Variants in NTRK3 observed in about 807,000 individuals in gnomAD.
NTRK3 encodes NT-3 growth factor receptor.
A neutral mutation model predicts 91.7 loss-of-function variants in NTRK3; 24 were observed. The ratio of observed to expected loss-of-function variants is 0.26; its 90% CI spans 0.19 to 0.37. The LOEUF is 0.37. Among genes scored for constraint, NTRK3 ranks in the 10% least tolerant of loss-of-function variants. NTRK3 has a pLI of 1.00. For synonymous variants in NTRK3, 483 were observed against 404.0 expected (o/e 1.20, Z -2.34); for missense variants, 880 against 1,068.9 (o/e 0.82, Z 2.46).
intron 17 of NTRK3, among the ~76,000 whole-genome samples, chr15:87,924,375 A>G (rs144259595): frequency 6.6e-6 from 1 of 152,204 alleles, no homozygotes; most frequent in East Asian, 1.9e-4. Context: ...TCTTTCTAGG[A>G]GTTTCTGGGA....
rs201582707 is a variant in NTRK3, at chr15:88,022,697, G to A, written c.1585+10160C>T. Among the ~76,000 whole-genome samples, 41 of 152,150 alleles carry A rather than the reference G, an allele frequency of 2.7e-4. 1 individual carries two copies. In the East Asian group the frequency reaches 6.6e-3, roughly 24 times the overall value. On this transcript the variant is annotated intron_variant, in intron 14 of 18. Coordinates refer to ENST00000394480, the Ensembl canonical transcript of NTRK3. The stretch of plus-strand genomic sequence containing the variant: ...GCTTCCCCTGGGCTCCCATCCCACC[G>A]GGAAATGACATTACTCCAAGCTGGC...
At chr15:87,994,126 G>A (rs1016714936) in intron 14 of NTRK3, among the ~76,000 whole-genome samples, 16 of 152,136 alleles carry the variant, frequency 1.1e-4, no homozygotes, top group African/African-American at 3.9e-4. Context: ...ATGCGGGTGG[G>A]AAAGAGGCAG....
At chr15:87,872,091 T>C (rs1269511678) in exon 19 of NTRK3, 3 of 221,728 alleles carry the variant, frequency 1.4e-5, no homozygotes, top group Non-Finnish European at 2.7e-5. Context: ...CTAAGGCAAA[T>C]GCCCTTGAGT....
intron 14 of NTRK3, among the ~76,000 whole-genome samples, chr15:88,016,956 T>TAAAAAAAAAAAAAAAAAAAAAA (rs67163869): frequency 1.2e-5 from 1 of 84,316 alleles, no homozygotes. Context: ...AGACGAAGCT[T>TAAAAAAAAAAAAAAAAAAAAAA]AAAAAAAAAA....
intron 17 of NTRK3, among the ~76,000 whole-genome samples, chr15:87,880,643 A>C (rs2065191491): frequency 6.6e-6 from 1 of 152,244 alleles, no homozygotes; most frequent in Non-Finnish European, 1.5e-5. Flanking sequence ...GTAACACCTG[A>C]GGGAAGGTAG....
At chr15:88,222,359 C>T (rs1315899740) in intron 3 of NTRK3, among the ~76,000 whole-genome samples, 1 of 152,212 alleles carries the variant, frequency 6.6e-6, no homozygotes, top group Non-Finnish European at 1.5e-5. Flanking sequence ...GGTTCAATGG[C>T]TTAGCCAAGG....
At chr15:88,080,151 G>C (rs911802315) in intron 13 of NTRK3, among the ~76,000 whole-genome samples, 1 of 152,106 alleles carries the variant, frequency 6.6e-6, no homozygotes, top group Non-Finnish European at 1.5e-5. Flanking sequence ...ATTACAAATA[G>C]CACTTCAATA....
intron 17 of NTRK3, among the ~76,000 whole-genome samples, chr15:87,924,924 C>G (rs1470296650): frequency 6.6e-6 from 1 of 152,178 alleles, no homozygotes; most frequent in Non-Finnish European, 1.5e-5. Flanking sequence ...CCTCCCTGAT[C>G]TCAGTGTATT....
chr15:88,069,942 C>G (rs192663154), intron 13 of NTRK3, among the ~76,000 whole-genome samples: 2 of 152,130 alleles, frequency 1.3e-5, no homozygotes, highest in Non-Finnish European at 1.5e-5. Flanking sequence ...GAGTCTAGGG[C>G]GATCTCAGAA....
At chr15:88,060,872 T>G (rs2046154960) in intron 13 of NTRK3, among the ~76,000 whole-genome samples, 1 of 152,200 alleles carries the variant, frequency 6.6e-6, no homozygotes, top group Non-Finnish European at 1.5e-5. Flanking sequence ...ATCTTAAATT[T>G]ACTATCAATA....
intron 17 of NTRK3, among the ~76,000 whole-genome samples, chr15:87,912,761 C>T (rs1405806299): frequency 6.7e-6 from 1 of 149,888 alleles, no homozygotes; most frequent in Non-Finnish European, 1.5e-5. Flanking sequence ...TTCATCCAGA[C>T]GTTTATCAAG....
At chr15:87,894,780 G>C (rs2066025274) in intron 17 of NTRK3, among the ~76,000 whole-genome samples, 1 of 152,068 alleles carries the variant, frequency 6.6e-6, no homozygotes, top group Non-Finnish European at 1.5e-5. Flanking sequence ...ATAGCAGCCT[G>C]GTCTTCAGAA....
chr15:88,244,195 C>T (rs1055423809), intron 3 of NTRK3, among the ~76,000 whole-genome samples: 1 of 152,174 alleles, frequency 6.6e-6, no homozygotes, highest in African/African-American at 2.4e-5. Flanking sequence ...GACCTAACTT[C>T]ATATTTCTCC....
Position 87,979,109 on chromosome 15 carries a change from C to T in NTRK3, c.1586-38356G>A, listed in dbSNP as rs527694846. The T allele has an allele frequency of 7.2e-5, 43 of 597,348 alleles. No individual in the cohort carries two copies. In the East Asian group the frequency reaches 1.0e-3, roughly 14 times the overall value. 37.0% of individuals were successfully genotyped at this position (597,348 alleles called of 1,614,324 possible). On this transcript the variant is annotated intron_variant, in intron 14 of 18. Transcript: ENST00000394480. ...CTAAAGATAGTGGCAGGAGCTGCCT[C>T]GTAGGCCGGGAAAAAAGGAGCACAG...
chr15:88,195,697 T>C (rs1451140434), intron 3 of NTRK3, among the ~76,000 whole-genome samples: 1 of 152,192 alleles, frequency 6.6e-6, no homozygotes, highest in Non-Finnish European at 1.5e-5. Context: ...GGGGAGAAAA[T>C]GGAGGCCTTT....
intron 13 of NTRK3, among the ~76,000 whole-genome samples, chr15:88,052,093 G>A (rs544475636): frequency 8.5e-5 from 13 of 152,340 alleles, no homozygotes; most frequent in African/African-American, 3.1e-4. Flanking sequence ...GGACAACCCT[G>A]TTAACTATGC....
At chr15:87,942,102 A>C (rs2142033699) in intron 14 of NTRK3, among the ~76,000 whole-genome samples, 1 of 152,346 alleles carries the variant, frequency 6.6e-6, no homozygotes, top group South Asian at 2.1e-4. Flanking sequence ...GGATTCCTTT[A>C]AGAATAAACT....
At chr15:88,138,480 C>A (rs1282341407) in intron 6 of NTRK3, among the ~76,000 whole-genome samples, 2 of 152,140 alleles carry the variant, frequency 1.3e-5, no homozygotes, top group Non-Finnish European at 2.9e-5. Flanking sequence ...AATGGCCTTC[C>A]ATCTCATTGA....
At chr15:88,034,987 C>A (rs2078943445) in intron 13 of NTRK3, among the ~76,000 whole-genome samples, 1 of 152,200 alleles carries the variant, frequency 6.6e-6, no homozygotes, top group Non-Finnish European at 1.5e-5. Context: ...CATACACTAA[C>A]CATTCCCTCT....
Sources: gnomAD v4.1 joint callset for allele counts (sites outside exome capture counted in the v4.1 genomes callset) on GRCh38, gnomAD v4.1.1 for gene constraint, MANE v1.5 for transcripts, NCBI Gene and HGNC (gene_info 2026-07-23, HGNC 2026-07-21) for gene names.